Variants in ACAD10 observed in about 807,000 individuals in gnomAD.
The protein encoded by ACAD10 is acyl-CoA dehydrogenase family member 10.
In ACAD10, 112 loss-of-function variants were observed where a neutral mutation model predicts 116.8. The observed-to-expected ratio is 0.96, with a 90% CI of 0.82 to 1.12. ACAD10 has a LOEUF of 1.12. Among genes scored for constraint, ACAD10 ranks in the 50% most tolerant of loss-of-function variants. ACAD10 has a pLI of 0.00. For synonymous variants in ACAD10, 486 were observed against 510.6 expected, an observed-to-expected ratio of 0.95 and a Z score of 0.65; for missense variants, 1,259 against 1,350.2, an observed-to-expected ratio of 0.93 and a Z score of 1.06.
chr12:111,755,918 GC>G (rs2068080277), intron 20 of ACAD10, 173 bp downstream of exon 20: 10 of 750,834 alleles, frequency 1.3e-5, no homozygotes, highest in Middle Eastern at 2.3e-4. Flanking sequence ...GGTGGGAGGT[GC>G]CATCGTACCC....
chr12:111,745,320 A>G (rs1889861466), intron 13 of ACAD10: 3 of 490,532 alleles, frequency 6.1e-6, no homozygotes, highest in Non-Finnish European at 1.1e-5. Context: ...GGTTAGGCCT[A>G]TCTGATGGGT....
intron 6 of ACAD10, among the ~76,000 whole-genome samples, chr12:111,713,210 C>CTGA (rs1157089501): frequency 6.6e-6 from 1 of 151,250 alleles, no homozygotes; most frequent in Non-Finnish European, 1.5e-5. Context: ...ACTCGGGAGG[C>CTGA]TGAGGCAGGA....
intron 12 of ACAD10, among the ~76,000 whole-genome samples, chr12:111,740,782 CAAAAA>C (rs751899672): frequency 3.9e-5 from 2 of 51,076 alleles, no homozygotes; most frequent in Non-Finnish European, 8.8e-5. Flanking sequence ...GACTCCATCT[CAAAAA>C]AAAAAAAAAA....
chr12:111,716,268 A>C (rs1349759839), intron 7 of ACAD10, among the ~76,000 whole-genome samples: 1 of 152,082 alleles, frequency 6.6e-6, no homozygotes, highest in Non-Finnish European at 1.5e-5. Context: ...CCTACTCAGG[A>C]GGCTGAGGTG....
At chr12:111,752,013 G>A (rs964670780) in intron 18 of ACAD10, among the ~76,000 whole-genome samples, 4 of 149,108 alleles carry the variant, frequency 2.7e-5, no homozygotes, top group Non-Finnish European at 4.4e-5. Flanking sequence ...AGCCGAGATC[G>A]CACCATTGCA....
intron 12 of ACAD10, among the ~76,000 whole-genome samples, chr12:111,740,385 C>T (rs575699565): frequency 4.1e-5 from 6 of 146,310 alleles, no homozygotes; most frequent in East Asian, 4.3e-4. Flanking sequence ...CACTTGAACC[C>T]GGGAGGCAGA....
chr12:111,732,670 CAGAA>C (rs1266005575), intron 10 of ACAD10, among the ~76,000 whole-genome samples: 2 of 152,164 alleles, frequency 1.3e-5, no homozygotes, highest in Non-Finnish European at 2.9e-5. Context: ...TGGCAGGAAA[CAGAA>C]AGCATGAAAG....
intron 7 of ACAD10, among the ~76,000 whole-genome samples, chr12:111,718,921 A>G (rs1888930098): frequency 6.7e-6 from 1 of 149,920 alleles, no homozygotes; most frequent in South Asian, 2.3e-4. Flanking sequence ...TCTTGCCAAC[A>G]TGGTGAAACC....
intron 7 of ACAD10, 116 bp downstream of exon 7, chr12:111,716,078 A>G (rs1593029562): frequency 3.5e-6 from 5 of 1,412,752 alleles, no homozygotes; most frequent in African/African-American, 1.4e-5. Flanking sequence ...TAAAACTACA[A>G]TTATGGGCCA....
intron 18 of ACAD10, 88 bp downstream of exon 18, chr12:111,749,433 G>A: frequency 6.7e-7 from 1 of 1,503,516 alleles, no homozygotes; most frequent in East Asian, 2.3e-5. Flanking sequence ...TGTTTTCTGA[G>A]TGCAGTCCTA....
At chr12:111,724,955 T>G (rs994972679) in intron 8 of ACAD10, among the ~76,000 whole-genome samples, 1 of 152,188 alleles carries the variant, frequency 6.6e-6, no homozygotes, top group Non-Finnish European at 1.5e-5. Context: ...TGTAACATGC[T>G]TTTTGAGTGT....
chr12:111,749,154 G>T lies in ACAD10; in HGVS notation c.2645-19G>T. 6.2e-7 allele frequency: 1 copy of T among 1,612,958 alleles called. No homozygotes were observed. The highest frequency in any genetic ancestry group is 1.1e-5 in the South Asian group (1 of 91,046). On this transcript the variant is annotated intron_variant, in intron 17 of 20. Transcript: ENST00000313698. ...AATGACTATGGCTATTGCTCACAGT[G>T]ATCGTTTGGGTCTTTCAGGTGGCCA...
intron 7 of ACAD10, 119 bp downstream of exon 7, chr12:111,716,081 A>G (rs1860073953): frequency 7.8e-6 from 11 of 1,406,372 alleles, no homozygotes; most frequent in Non-Finnish European, 9.7e-6. Flanking sequence ...AACTACAATT[A>G]TGGGCCAGGC....
intron 8 of ACAD10, among the ~76,000 whole-genome samples, chr12:111,723,640 G>GT (rs1949008684): frequency 7.1e-6 from 1 of 141,326 alleles, no homozygotes; most frequent in African/African-American, 2.6e-5. Flanking sequence ...GGCCGGGCGG[G>GT]GGGCTGACCC....
chr12:111,747,964 G>A (rs777895814), intron 16 of ACAD10, among the ~76,000 whole-genome samples: 1 of 152,176 alleles, frequency 6.6e-6, no homozygotes, highest in Non-Finnish European at 1.5e-5. Context: ...AGGTTCACCT[G>A]ATTCCAAGGC....
chr12:111,702,182 A>G lies in ACAD10; in HGVS notation c.208A>G (p.Ile70Val), dbSNP rs768893203. The part of the protein sequence containing the change: ...VAAEWEVQNR[I>V]PSGTILKALM... ...TATAGAATGGGAGGTACAGAATCGT[A>G]TCCCTTCTGGAACTATATTAAAGGC... Residue 70 changes from isoleucine to valine, a missense_variant, in exon 3 of 21, where the codon ATC becomes GTC. Physicochemically the swap from Ile to Val is conservative, Grantham distance 29. Transcript: ENST00000313698. The G allele has an allele frequency of 7.4e-6, 12 of 1,613,830 alleles. No homozygotes were observed. The highest frequency in any genetic ancestry group is 3.3e-5 in the Admixed American group (2 of 59,930).
At chr12:111,708,331 A>G (rs1411143343) in intron 4 of ACAD10, among the ~76,000 whole-genome samples, 1 of 151,708 alleles carries the variant, frequency 6.6e-6, no homozygotes, top group Non-Finnish European at 1.5e-5. Flanking sequence ...ATCCCCCCCA[A>G]TTCCCTCCAC....
intron 18 of ACAD10, among the ~76,000 whole-genome samples, chr12:111,751,785 G>A (rs867732670): frequency 2.0e-5 from 3 of 151,976 alleles, no homozygotes; most frequent in Middle Eastern, 6.8e-3. Context: ...GGGGCTGGGT[G>A]TGGTGGCTCA....
intron 7 of ACAD10, among the ~76,000 whole-genome samples, chr12:111,716,597 A>G (rs531439578): frequency 5.3e-5 from 8 of 152,228 alleles, no homozygotes; most frequent in Non-Finnish European, 7.4e-5. Flanking sequence ...AGTAGCTACC[A>G]TAGTCCCAGC....
Sources: gnomAD v4.1 joint callset for allele counts (sites outside exome capture counted in the v4.1 genomes callset) on GRCh38, gnomAD v4.1.1 for gene constraint, MANE v1.5 for transcripts, NCBI Gene and HGNC (gene_info 2026-07-23, HGNC 2026-07-21) for gene names.